The following ARID4B variants were observed in gnomAD, a reference collection of about 807,000 sequenced individuals.
The protein encoded by ARID4B is AT-rich interactive domain-containing protein 4B.
ARID4B carries 26 observed loss-of-function variants against 147.5 expected under a neutral mutation model. The ratio of observed to expected loss-of-function variants is 0.18; its 90% CI spans 0.13 to 0.24. ARID4B has a LOEUF of 0.24. ARID4B is among the 10% of genes least tolerant of loss of function. The probability of loss-of-function intolerance (pLI) is 1.00; values close to 1 mark genes in which losing one functional copy is unlikely to be tolerated. For synonymous variants in ARID4B, 512 were observed against 507.9 expected (o/e 1.01, Z -0.11); for missense variants, 1,179 against 1,511.5 (o/e 0.78, Z 3.65).
At chr1:235,228,027 G>C (rs1405653133) in intron 11 of ARID4B, among the ~76,000 whole-genome samples, 1 of 151,350 alleles carries the variant, frequency 6.6e-6, no homozygotes, top group Non-Finnish European at 1.5e-5. Flanking sequence ...TAAGAGACGG[G>C]GTTTCACCAT....
At chr1:235,213,696 A>G in intron 17 of ARID4B, 73 bp downstream of exon 17, 1 of 1,453,028 alleles carries the variant, frequency 6.9e-7, no homozygotes, top group Non-Finnish European at 9.2e-7. Flanking sequence ...GTAATCCATT[A>G]CTTAAGTTTT....
At chr1:235,189,252 T>G (rs1664904254) in intron 19 of ARID4B, among the ~76,000 whole-genome samples, 1 of 151,276 alleles carries the variant, frequency 6.6e-6, no homozygotes, top group African/African-American at 2.4e-5. Flanking sequence ...TACAAAAAAT[T>G]AGCTGGGTGC....
At position 235,277,549 on chromosome 1, in the gene ARID4B, A is replaced by AAT. The variant is rs1553309719; in HGVS notation, c.7-16798_7-16797insAT. On this transcript the variant is annotated intron_variant, in intron 2 of 23. Coordinates refer to ENST00000264183, the MANE Select transcript of ARID4B (RefSeq NM_016374.6). The stretch of plus-strand genomic sequence containing the variant: ...GAGACTCCGTCTCAAAAAAAAAAAA[A>AAT]AATAATAATAATAATGTAAATGAGA... Among the ~76,000 whole-genome samples the AAT allele has an allele frequency of 2.9e-3, 420 of 144,114 alleles. 4 individuals carry two copies. The highest frequency in any genetic ancestry group is 0.011 in the Middle Eastern group (3 of 280). 94.5% of individuals were successfully genotyped at this position (144,114 alleles called of 152,430 possible).
At chr1:235,201,341 T>TC (rs961175145) in intron 17 of ARID4B, among the ~76,000 whole-genome samples, 5 of 152,068 alleles carry the variant, frequency 3.3e-5, no homozygotes, top group African/African-American at 7.2e-5. Context: ...TTTTTTTTTT[T>TC]TTCTTCTTCA....
chr1:235,249,394 T>C (rs985797517), intron 6 of ARID4B, among the ~76,000 whole-genome samples: 1 of 152,156 alleles, frequency 6.6e-6, no homozygotes, highest in Non-Finnish European at 1.5e-5. Context: ...ATACTCAAAG[T>C]ATGAATGGTC....
chr1:235,236,808 T>G, intron 8 of ARID4B, among the ~76,000 whole-genome samples: 1 of 110,918 alleles, frequency 9.0e-6, no homozygotes, highest in East Asian at 3.3e-4. Flanking sequence ...CCGCCGCGCC[T>G]GGCCCACAAA....
intron 23 of ARID4B, among the ~76,000 whole-genome samples, chr1:235,171,138 A>G (rs923999103): frequency 1.3e-5 from 2 of 152,106 alleles, no homozygotes; most frequent in African/African-American, 4.8e-5. Flanking sequence ...GGTAAGAATG[A>G]TACCTTATTT....
intron 12 of ARID4B, among the ~76,000 whole-genome samples, chr1:235,223,713 A>G (rs1193665339): frequency 6.7e-6 from 1 of 149,060 alleles, no homozygotes; most frequent in African/African-American, 2.5e-5. Context: ...TTCTAACACA[A>G]GAAAACGCAA....
intron 2 of ARID4B, among the ~76,000 whole-genome samples, chr1:235,277,021 T>C (rs571387575): frequency 6.9e-4 from 102 of 146,804 alleles, no homozygotes; most frequent in Non-Finnish European, 1.3e-3. Context: ...AAAAAAGATA[T>C]GTTCTGGCAA....
At chr1:235,173,352 A>G (rs1663508021) in intron 22 of ARID4B, among the ~76,000 whole-genome samples, 1 of 152,144 alleles carries the variant, frequency 6.6e-6, no homozygotes, top group Admixed American at 6.5e-5. Context: ...TAAAAATAAC[A>G]AAAACACAAA....
At chr1:235,246,358 T>C in intron 7 of ARID4B, 62 bp downstream of exon 7, 2 of 1,325,800 alleles carry the variant, frequency 1.5e-6, no homozygotes, top group East Asian at 2.3e-5. Context: ...AAAATAACTA[T>C]AAACAATACT....
intron 6 of ARID4B, among the ~76,000 whole-genome samples, chr1:235,246,878 T>G (rs1399737732): frequency 6.6e-6 from 1 of 152,080 alleles, no homozygotes; most frequent in Non-Finnish European, 1.5e-5. Context: ...CAACTGCAGC[T>G]CCAATATTAA....
At chr1:235,325,324 TA>T (rs1056451691) in intron 2 of ARID4B, among the ~76,000 whole-genome samples, 19 of 151,636 alleles carry the variant, frequency 1.3e-4, no homozygotes, top group Admixed American at 5.9e-4. Context: ...CTTTTAAGGC[TA>T]AAGTTTCCAA....
At chr1:235,199,671 C>A (rs866720347) in intron 17 of ARID4B, among the ~76,000 whole-genome samples, 3 of 151,978 alleles carry the variant, frequency 2.0e-5, no homozygotes, top group Non-Finnish European at 4.4e-5. Context: ...AGACCAGTGG[C>A]GTGAAGAGGA....
chr1:235,181,021 A>C (rs1664276824), intron 20 of ARID4B: 1 of 721,046 alleles, frequency 1.4e-6, no homozygotes, highest in Non-Finnish European at 1.7e-6. Context: ...TGGTCCTTCA[A>C]TTTGGAAGCT....
intron 22 of ARID4B, 108 bp downstream of exon 22, chr1:235,175,076 C>A: frequency 9.9e-7 from 1 of 1,005,608 alleles, no homozygotes; most frequent in Non-Finnish European, 1.5e-6. Context: ...CACCGCACTC[C>A]AGCCTGGTGA....
At chr1:235,297,855 A>G (rs1043331139) in intron 2 of ARID4B, among the ~76,000 whole-genome samples, 4 of 152,216 alleles carry the variant, frequency 2.6e-5, no homozygotes, top group Admixed American at 6.5e-5. Context: ...AATAAAGGGC[A>G]TGAAAAGGGT....
In ARID4B at chr1:235,213,973, T is replaced by C; in HGVS notation, c.1637A>G (p.Glu546Gly). Residue 546 changes from glutamate (E) to glycine (G), a missense_variant, in exon 17 of 24, where the codon GAG (glutamate) becomes GGG (glycine). By Grantham distance (98) the Glu-to-Gly change is moderately conservative. Transcript: ENST00000264183. ...DEDDEEAEEE[E>G]EEEEEEEDED... ...ATCCTCTTCTTCTTCTTCCTCCTCC[T>C]CCTCCTCTTCTGCTTCTTCATCATC... 1 of 1,593,674 alleles carries C rather than the reference T, an allele frequency of 6.3e-7. No individual in the cohort carries two copies. The highest frequency in any genetic ancestry group is 8.6e-7 in the Non-Finnish European group (1 of 1,161,574).
rs570877806 is a variant in ARID4B at position 235,270,411 on chromosome 1, A to G, written c.7-9659T>C. Among the ~76,000 whole-genome samples, 3 of 152,322 alleles carry G rather than the reference A, an allele frequency of 2.0e-5. No homozygotes were observed. The East Asian group carries it at 5.8e-4, about 29-fold the overall frequency. On this transcript the variant is annotated intron_variant, in intron 2 of 23. Coordinates refer to ENST00000264183, the MANE Select transcript of ARID4B (RefSeq NM_016374.6). ...TTAAAGTTTATTTTTGGTTTTTTAC[A>G]TGGCCCCACTGTGTATCTTCTTAAA...
Sources: allele counts gnomAD v4.1 joint callset (sites outside exome capture counted in the v4.1 genomes callset), GRCh38; gene constraint gnomAD v4.1.1; transcripts MANE v1.5; gene names NCBI Gene and HGNC (gene_info 2026-07-23, HGNC 2026-07-21).